ENPEP: variants seen among roughly 807,000 people sequenced by gnomAD.
ENPEP encodes the protein AP-A.
ENPEP carries 103 observed loss-of-function variants against 114.5 expected under a neutral mutation model. That is an observed-to-expected ratio of 0.90 (90% confidence interval 0.77 to 1.06). The LOEUF is 1.06. Among genes scored for constraint, ENPEP ranks in the 50% least tolerant of loss-of-function variants. The pLI is 0.00. For synonymous variants in ENPEP, 420 were observed against 422.0 expected, an observed-to-expected ratio of 1.00 and a Z score of 0.06; for missense variants, 1,196 against 1,161.3, an observed-to-expected ratio of 1.03 and a Z score of -0.43.
intron 1 of ENPEP, among the ~76,000 whole-genome samples, chr4:110,480,812 G>C (rs1365311997): frequency 6.6e-6 from 1 of 152,166 alleles, no homozygotes; most frequent in African/African-American, 2.4e-5. Flanking sequence ...GAGAAAGTTT[G>C]AGAAACATCC....
At chr4:110,537,651 G>A (rs1726688847) in intron 11 of ENPEP, among the ~76,000 whole-genome samples, 1 of 152,128 alleles carries the variant, frequency 6.6e-6, no homozygotes. Flanking sequence ...AATCATGAAT[G>A]TTCTTAATGG....
chr4:110,496,742 T>A (rs2110342504), intron 3 of ENPEP, among the ~76,000 whole-genome samples: 1 of 152,344 alleles, frequency 6.6e-6, no homozygotes, highest in Admixed American at 6.5e-5. Context: ...TTCCTCAAGA[T>A]TAGACTGAGG....
chr4:110,491,814 G>A (rs1364506579), intron 3 of ENPEP, among the ~76,000 whole-genome samples: 2 of 149,304 alleles, frequency 1.3e-5, no homozygotes, highest in South Asian at 2.2e-4. Context: ...TCCACCTCCC[G>A]GGTTCAAGTG....
intron 3 of ENPEP, among the ~76,000 whole-genome samples, chr4:110,491,560 G>A (rs1330713026): frequency 6.6e-6 from 1 of 152,072 alleles, no homozygotes; most frequent in Non-Finnish European, 1.5e-5. Context: ...AACATCCTTC[G>A]AATGACAAGG....
At chr4:110,545,650 G>T (rs1171667193) in intron 13 of ENPEP, among the ~76,000 whole-genome samples, 1 of 151,924 alleles carries the variant, frequency 6.6e-6, no homozygotes, top group Non-Finnish European at 1.5e-5. Flanking sequence ...CCTACTTTTG[G>T]TCCTCTCTGA....
intron 10 of ENPEP, among the ~76,000 whole-genome samples, chr4:110,529,059 C>T (rs974066011): frequency 6.6e-6 from 1 of 152,136 alleles, no homozygotes; most frequent in Non-Finnish European, 1.5e-5. Flanking sequence ...TCTTAAAGAC[C>T]TCAGAGCAGT....
chr4:110,484,920 T>C (rs913650491), intron 1 of ENPEP, among the ~76,000 whole-genome samples: 2 of 151,056 alleles, frequency 1.3e-5, no homozygotes, highest in East Asian at 2.0e-4. Context: ...GGTGCGCGCA[T>C]GCACGCACGC....
intron 5 of ENPEP, 35 bp from the exon 6 acceptor site, chr4:110,510,210 G>A: frequency 6.5e-7 from 1 of 1,549,514 alleles, no homozygotes; most frequent in Non-Finnish European, 8.9e-7. Flanking sequence ...ATACCCATAA[G>A]AATGTAATTA....
At chr4:110,489,003 A>G (rs1344122252) in intron 2 of ENPEP, among the ~76,000 whole-genome samples, 1 of 152,196 alleles carries the variant, frequency 6.6e-6, no homozygotes, top group Non-Finnish European at 1.5e-5. Context: ...AACTAATGGA[A>G]TTACAGACTT....
intron 1 of ENPEP, among the ~76,000 whole-genome samples, chr4:110,488,029 A>G (rs1459453497): frequency 1.3e-5 from 2 of 152,228 alleles, no homozygotes; most frequent in East Asian, 3.9e-4. Context: ...GTTGTAACAT[A>G]AATAACAAAG....
At chr4:110,559,747 C>T (rs1217884413) in intron 19 of ENPEP, 22 bp downstream of exon 19, 6 of 1,586,778 alleles carry the variant, frequency 3.8e-6, no homozygotes, top group Non-Finnish European at 5.2e-6. Flanking sequence ...AATTCCTCTG[C>T]ATTTGTCCAA....
chr4:110,522,221 C>T (rs937380156), intron 10 of ENPEP, among the ~76,000 whole-genome samples: 2 of 150,910 alleles, frequency 1.3e-5, no homozygotes, highest in African/African-American at 2.4e-5. Context: ...CTCACTCTGT[C>T]GCCAGGCTGG....
At chr4:110,531,940 G>A (rs1171786937) in intron 11 of ENPEP, among the ~76,000 whole-genome samples, 1 of 152,094 alleles carries the variant, frequency 6.6e-6, no homozygotes, top group Non-Finnish European at 1.5e-5. Flanking sequence ...ATGAGGACTT[G>A]ATTTAGAATA....
At chr4:110,549,967 G>A (rs1268960863) in intron 17 of ENPEP, 81 bp downstream of exon 17, 7 of 1,321,666 alleles carry the variant, frequency 5.3e-6, no homozygotes, top group South Asian at 1.6e-5. Flanking sequence ...TCTGATTAAA[G>A]TATGATGTTT....
In ENPEP at chr4:110,561,674, T is replaced by A. The variant is rs975597660; in HGVS notation, c.*116T>A. On this transcript the variant is annotated 3_prime_UTR_variant, in exon 20 of 20. Coordinates refer to ENST00000265162, the MANE Select transcript of ENPEP (RefSeq NM_001977.4). The stretch of plus-strand genomic sequence containing the variant: ...CCTTATAAACAGATAATGCTTTTAC[T>A]AAGCACTGTGTTTATATGTCTTGCA... The A allele has an allele frequency of 2.8e-5, 27 of 967,342 alleles. No individual in the cohort carries two copies. Among genetic ancestry groups the A allele is most frequent in the Non-Finnish European group, 4.1e-5 (27 of 662,432 alleles). 59.9% of individuals were successfully genotyped at this position (967,342 alleles called of 1,614,324 possible). A position where few individuals can be genotyped will look rare whatever the true frequency, so the allele number is the denominator to read the frequency against.
chr4:110,518,051 C>G (rs1379833992), intron 8 of ENPEP, among the ~76,000 whole-genome samples: 1 of 152,160 alleles, frequency 6.6e-6, no homozygotes, highest in Non-Finnish European at 1.5e-5. Context: ...TCTTTATTAG[C>G]TAACCTGGTG....
At chr4:110,518,935 A>G (rs1444035284) in intron 8 of ENPEP, 5 of 387,506 alleles carry the variant, frequency 1.3e-5, no homozygotes, top group African/African-American at 2.1e-5. Context: ...TATGCCAAGT[A>G]TTCAATTATT....
intron 8 of ENPEP, 106 bp downstream of exon 8, chr4:110,515,548 T>G: frequency 1.1e-6 from 1 of 904,342 alleles, no homozygotes; most frequent in Admixed American, 2.4e-5. Flanking sequence ...TTTTAATCTC[T>G]TTACTGAGGC....
intron 1 of ENPEP, among the ~76,000 whole-genome samples, chr4:110,481,348 C>T (rs920463159): frequency 4.0e-5 from 6 of 151,808 alleles, no homozygotes; most frequent in Non-Finnish European, 8.8e-5. Context: ...CCTCCCACCT[C>T]AGCTTTCCGA....
Sources: allele counts gnomAD v4.1 joint callset (sites outside exome capture counted in the v4.1 genomes callset), GRCh38; gene constraint gnomAD v4.1.1; transcripts MANE v1.5; gene names NCBI Gene and HGNC (gene_info 2026-07-23, HGNC 2026-07-21).